The following CSRNP3 variants were observed in gnomAD, a reference collection of about 807,000 sequenced individuals.
CSRNP3 encodes the protein cysteine/serine-rich nuclear protein 3.
Under a neutral mutation model 48.0 loss-of-function variants are expected in CSRNP3, and 12 were observed. The ratio of observed to expected loss-of-function variants is 0.25; its 90% CI spans 0.16 to 0.41. CSRNP3 has a LOEUF of 0.41. CSRNP3 is among the 10% of genes least tolerant of loss of function. The pLI is 1.00. For synonymous variants in CSRNP3, 263 were observed against 269.7 expected (o/e 0.98, Z 0.24); for missense variants, 580 against 724.4 (o/e 0.80, Z 2.29).
intron 4 of CSRNP3, among the ~76,000 whole-genome samples, chr2:165,605,378 C>A (rs944834786): frequency 2.0e-5 from 3 of 152,058 alleles, no homozygotes; most frequent in Non-Finnish European, 2.9e-5. Context: ...AATACCATTT[C>A]TTTAGTATAG....
chr2:165,473,020 A>T (rs533106562), intron 1 of CSRNP3, among the ~76,000 whole-genome samples: 1 of 152,250 alleles, frequency 6.6e-6, no homozygotes, highest in East Asian at 1.9e-4. Flanking sequence ...AAGCAAGCTA[A>T]CAACAAATCA....
chr2:165,497,604 A>C (rs1287886853), intron 2 of CSRNP3, among the ~76,000 whole-genome samples: 2 of 152,108 alleles, frequency 1.3e-5, no homozygotes, highest in Admixed American at 1.3e-4. Context: ...TATATAACTG[A>C]GACAAAAACT....
chr2:165,642,488 A>G (rs1443440829), intron 4 of CSRNP3, among the ~76,000 whole-genome samples: 1 of 152,170 alleles, frequency 6.6e-6, no homozygotes, highest in Non-Finnish European at 1.5e-5. Context: ...TTTTTGCAAG[A>G]ATTGCAATGT....
chr2:165,579,503 G>A (rs1180089798), intron 3 of CSRNP3, among the ~76,000 whole-genome samples: 1 of 152,126 alleles, frequency 6.6e-6, no homozygotes, highest in Non-Finnish European at 1.5e-5. Context: ...TAAGGCAGTA[G>A]TTATTCATCT....
rs537966289 is a variant in CSRNP3 at position 165,502,440 on chromosome 2, A to T, written c.-113+7512A>T. Among the ~76,000 whole-genome samples the T allele has an allele frequency of 3.6e-4, 55 of 152,038 alleles. No individual in the cohort carries two copies. The South Asian group carries it at 5.2e-3, about 14-fold the overall frequency. ...TATTTATATGCTTTATCCTAACTAG[A>T]TCTATTTTGTTATTATAATTGTTTT... On this transcript the variant is annotated intron_variant, in intron 2 of 6. Transcript: ENST00000651982.
At chr2:165,502,894 G>C (rs115349803) in intron 2 of CSRNP3, among the ~76,000 whole-genome samples, 2,412 of 151,898 alleles carry the variant, frequency 0.016, 60 homozygotes, top group African/African-American at 0.054. Flanking sequence ...TCTCTGAATT[G>C]TAGGAAGCTA....
At chr2:165,501,727 A>G (rs965343063) in intron 2 of CSRNP3, among the ~76,000 whole-genome samples, 10 of 152,150 alleles carry the variant, frequency 6.6e-5, no homozygotes, top group Admixed American at 6.6e-4. Context: ...TGTTTTCTTC[A>G]TCTTAAGTAT....
intron 3 of CSRNP3, among the ~76,000 whole-genome samples, chr2:165,593,205 A>G (rs1274115477): frequency 3.3e-5 from 5 of 152,208 alleles, no homozygotes; most frequent in Non-Finnish European, 5.9e-5. Flanking sequence ...TACACCAGGA[A>G]AGGTCAAAGA....
intron 1 of CSRNP3, among the ~76,000 whole-genome samples, chr2:165,485,148 A>C (rs1166322773): frequency 2.6e-5 from 4 of 152,154 alleles, no homozygotes; most frequent in Non-Finnish European, 5.9e-5. Context: ...TGTCTATCGG[A>C]AACTAAGGTG....
intron 5 of CSRNP3, among the ~76,000 whole-genome samples, chr2:165,661,639 T>C (rs373657115): frequency 1.3e-5 from 2 of 152,180 alleles, no homozygotes; most frequent in East Asian, 3.8e-4. Context: ...TGTGGCTAAA[T>C]TGATTTCATT....
chr2:165,633,008 T>C (rs1235530268), intron 4 of CSRNP3, among the ~76,000 whole-genome samples: 2 of 152,228 alleles, frequency 1.3e-5, no homozygotes, highest in East Asian at 3.8e-4. Flanking sequence ...GAACATTTTC[T>C]TATGTCATAC....
chr2:165,506,341 C>T (rs1051602121), intron 2 of CSRNP3, among the ~76,000 whole-genome samples: 3 of 152,122 alleles, frequency 2.0e-5, no homozygotes, highest in African/African-American at 7.2e-5. Flanking sequence ...TACTCCCTTC[C>T]AGATGGGTTC....
At chr2:165,559,115 A>C (rs1449646299) in intron 3 of CSRNP3, among the ~76,000 whole-genome samples, 1 of 152,210 alleles carries the variant, frequency 6.6e-6, no homozygotes, top group Non-Finnish European at 1.5e-5. Flanking sequence ...AAAGAAGAAA[A>C]AAGCAAATTA....
At chr2:165,623,010 G>T (rs1011445572) in intron 4 of CSRNP3, among the ~76,000 whole-genome samples, 1 of 152,088 alleles carries the variant, frequency 6.6e-6, no homozygotes, top group African/African-American at 2.4e-5. Context: ...TATGCAGTAG[G>T]CTCCCTGTAT....
In CSRNP3 at chr2:165,685,300, C is replaced by A. The variant is rs569763778; in HGVS notation, c.*5547C>A. ...CATGAGACCCCCTTCCTAAACAATG[C>A]AGTTGTTTTGTTTTATTCTTTTTTT... On this transcript the variant is annotated 3_prime_UTR_variant, in exon 7 of 7. Coordinates refer to ENST00000651982, the MANE Select transcript of CSRNP3 (RefSeq NM_001172173.2). 2 of 152,092 alleles carry A rather than the reference C, an allele frequency of 1.3e-5. No individual in the cohort carries two copies. Among genetic ancestry groups the A allele is most frequent in the Admixed American group, 1.3e-4 (2 of 15,252 alleles). 9.4% of individuals were successfully genotyped at this position (152,092 alleles called of 1,614,324 possible).
intron 4 of CSRNP3, among the ~76,000 whole-genome samples, chr2:165,612,524 C>G (rs913799250): frequency 6.6e-6 from 1 of 151,864 alleles, no homozygotes; most frequent in Non-Finnish European, 1.5e-5. Flanking sequence ...ATTTATTTCT[C>G]CCATCTAGCT....
intron 3 of CSRNP3, among the ~76,000 whole-genome samples, chr2:165,570,985 C>A (rs1685365321): frequency 6.6e-6 from 1 of 151,832 alleles, no homozygotes; most frequent in African/African-American, 2.4e-5. Context: ...AGCTAAGCTA[C>A]TTAACCATAC....
intron 3 of CSRNP3, among the ~76,000 whole-genome samples, chr2:165,562,876 G>A (rs1407522606): frequency 6.6e-6 from 1 of 152,128 alleles, no homozygotes; most frequent in Non-Finnish European, 1.5e-5. Context: ...AAAGGGACAA[G>A]TTTTTTCACT....
In CSRNP3 at chr2:165,689,041, A is replaced by G. The variant is rs1194026605; in HGVS notation, c.*9288A>G. ...TAAGATGTCATGTTGTATGTCACAC[A>G]GTTTCTAGATTGATTTCTCTTGTGT... On this transcript the variant is annotated 3_prime_UTR_variant, in exon 7 of 7. Transcript: ENST00000651982. The G allele has an allele frequency of 6.6e-6, 1 of 152,096 alleles. No homozygotes were observed. Among genetic ancestry groups the G allele is most frequent in the Admixed American group, 6.6e-5 (1 of 15,240 alleles). 9.4% of individuals were successfully genotyped at this position (152,096 alleles called of 1,614,324 possible).
Sources: gnomAD v4.1 joint callset for allele counts (sites outside exome capture counted in the v4.1 genomes callset) on GRCh38, gnomAD v4.1.1 for gene constraint, MANE v1.5 for transcripts, NCBI Gene and HGNC (gene_info 2026-07-23, HGNC 2026-07-21) for gene names.